The following CCDC102B variants were observed in gnomAD, a reference collection of about 807,000 sequenced individuals.
CCDC102B encodes coiled-coil domain-containing protein 102B.
A neutral mutation model predicts 57.4 loss-of-function variants in CCDC102B; 75 were observed. The observed-to-expected ratio is 1.31, with a 90% CI of 1.08 to 1.58. The LOEUF (loss-of-function observed/expected upper bound fraction) is 1.58. Ranked by LOEUF, CCDC102B falls within the 40% of genes most tolerant of loss-of-function variation. The pLI, the probability that CCDC102B is intolerant of heterozygous loss-of-function variation, is 0.00. For missense variants in CCDC102B, 636 were observed against 582.6 expected (o/e 1.09, Z -0.94); for synonymous variants, 206 against 201.9 (o/e 1.02, Z -0.17).
chr18:68,721,169 A>T (rs1277080911), intron 2 of CCDC102B: 3 of 152,266 alleles, frequency 2.0e-5, no homozygotes, highest in Non-Finnish European at 4.4e-5. Flanking sequence ...AACAATAATT[A>T]CTAGGCATCT....
chr18:68,994,625 G>A (rs1052413769), intron 6 of CCDC102B, among the ~76,000 whole-genome samples: 1 of 152,018 alleles, frequency 6.6e-6, no homozygotes, highest in African/African-American at 2.4e-5. Flanking sequence ...AAGATCTGAT[G>A]GTTTTATAAA....
Position 68,880,184 on chromosome 18 carries a change from G to A in CCDC102B, c.1053+5399G>A, listed in dbSNP as rs559675661. On this transcript the variant is annotated intron_variant, in intron 5 of 7. Coordinates refer to ENST00000360242, the MANE Select transcript of CCDC102B (RefSeq NM_024781.3). ...CCGGTGAGAAATCGAGCGCAGCGCCGGTGGGCTGGCACTGCTGGGGGACCC... is the reference window on the plus strand; with the variant it reads ...CCGGTGAGAAATCGAGCGCAGCGCCAGTGGGCTGGCACTGCTGGGGGACCC... Among the ~76,000 whole-genome samples, 424 of 152,312 alleles carry A rather than the reference G, an allele frequency of 2.8e-3. 3 individuals are homozygous for A. The highest frequency in any genetic ancestry group is 0.01 in the Middle Eastern group (3 of 294).
At chr18:68,971,177 T>G (rs2050292488) in intron 6 of CCDC102B, among the ~76,000 whole-genome samples, 1 of 152,062 alleles carries the variant, frequency 6.6e-6, no homozygotes, top group Admixed American at 6.6e-5. Context: ...TAGCTCTATT[T>G]TTTTCATATT....
intron 2 of CCDC102B, among the ~76,000 whole-genome samples, chr18:68,726,290 G>GTTAGAGTTT (rs1414334164): frequency 1.3e-5 from 2 of 151,718 alleles, no homozygotes; most frequent in Non-Finnish European, 2.9e-5. Context: ...AATGGGAACT[G>GTTAGAGTTT]TTAGAGTTAC....
intron 6 of CCDC102B, among the ~76,000 whole-genome samples, chr18:68,961,229 T>A (rs1189688289): frequency 6.6e-6 from 1 of 152,030 alleles, no homozygotes; most frequent in Non-Finnish European, 1.5e-5. Context: ...TAGAGGCAAT[T>A]TGATTCCCTA....
chr18:68,980,504 C>A (rs922487632), intron 6 of CCDC102B, among the ~76,000 whole-genome samples: 1 of 151,642 alleles, frequency 6.6e-6, no homozygotes, highest in Non-Finnish European at 1.5e-5. Context: ...TAACTGTATA[C>A]TCCCTAAGAA....
In CCDC102B at chr18:69,002,603, G is replaced by GT. The variant is rs2051233947; in HGVS notation, c.1264-8326dup. Reference sequence around the variant, plus strand: ...CACGTAACAGAAAAACATTTTCTTGGTTTTTGCTTGTTTGTCTTTTTCCTG... The same window carrying GT: ...CACGTAACAGAAAAACATTTTCTTGGTTTTTTGCTTGTTTGTCTTTTTCCTG... On this transcript the variant is annotated intron_variant, in intron 6 of 7. Coordinates refer to ENST00000360242, the MANE Select transcript of CCDC102B (RefSeq NM_024781.3). 2.0e-5 allele frequency among the ~76,000 whole-genome samples: 3 copies of GT among 152,052 alleles called. No homozygotes were observed. The East Asian group carries it at 5.8e-4, about 29-fold the overall frequency.
intron 1 of CCDC102B, among the ~76,000 whole-genome samples, chr18:68,828,386 A>G (rs1415629392): frequency 1.3e-5 from 2 of 149,282 alleles, no homozygotes; most frequent in African/African-American, 2.4e-5. Flanking sequence ...TAGGCAGAGT[A>G]TGTTCTCTTT....
chr18:68,873,194 A>T (rs2039303195), intron 4 of CCDC102B, among the ~76,000 whole-genome samples: 1 of 152,098 alleles, frequency 6.6e-6, no homozygotes, highest in African/African-American at 2.4e-5. Flanking sequence ...GGACTTGCAT[A>T]TTCAGACTTT....
chr18:69,011,361 CA>C, intron 7 of CCDC102B: 1 of 305,762 alleles, frequency 3.3e-6, no homozygotes, highest in Non-Finnish European at 5.3e-6. Context: ...TGCACGTGCG[CA>C]TGTGTGTGTG....
At chr18:68,913,610 G>C (rs1224464903) in intron 6 of CCDC102B, among the ~76,000 whole-genome samples, 1 of 150,798 alleles carries the variant, frequency 6.6e-6, no homozygotes. Flanking sequence ...AGCCGAGCTG[G>C]TGCTACTGCA....
intron 2 of CCDC102B, among the ~76,000 whole-genome samples, chr18:68,791,566 C>T (rs2035459819): frequency 6.6e-6 from 1 of 151,734 alleles, no homozygotes; most frequent in East Asian, 1.9e-4. Flanking sequence ...CTTTGATAGC[C>T]TAATGTGTAC....
intron 2 of CCDC102B, among the ~76,000 whole-genome samples, chr18:68,764,567 G>T (rs920586678): frequency 1.3e-5 from 2 of 152,088 alleles, no homozygotes; most frequent in African/African-American, 4.8e-5. Flanking sequence ...ACTACTTAGG[G>T]ATGTGAGGCA....
chr18:68,929,604 G>C (rs1172947495), intron 6 of CCDC102B, among the ~76,000 whole-genome samples: 1 of 151,822 alleles, frequency 6.6e-6, no homozygotes, highest in African/African-American at 2.4e-5. Flanking sequence ...AAAAATTCCT[G>C]GTAGTTAGTG....
At chr18:68,927,618 T>C (rs2145128700) in intron 6 of CCDC102B, among the ~76,000 whole-genome samples, 1 of 152,134 alleles carries the variant, frequency 6.6e-6, no homozygotes, top group African/African-American at 2.4e-5. Context: ...ATAATATTGA[T>C]AGTTAATAGC....
intron 1 of CCDC102B, among the ~76,000 whole-genome samples, chr18:68,807,016 T>C (rs1047067333): frequency 1.3e-5 from 2 of 152,148 alleles, no homozygotes; most frequent in Admixed American, 1.3e-4. Flanking sequence ...AGAATACATT[T>C]CAGGCATTGT....
chr18:68,719,692 G>A (rs140616516), intron 2 of CCDC102B, among the ~76,000 whole-genome samples: 281 of 152,154 alleles, frequency 1.8e-3, no homozygotes, highest in Middle Eastern at 0.017. Context: ...TCATAGACAC[G>A]CCTAGAAATA....
chr18:68,761,220 A>G (rs1270356968), intron 2 of CCDC102B, among the ~76,000 whole-genome samples: 1 of 152,112 alleles, frequency 6.6e-6, no homozygotes, highest in Admixed American at 6.6e-5. Context: ...CCCACAAGTT[A>G]CGATATGTAT....
At chr18:68,920,126 C>T (rs542045444) in intron 6 of CCDC102B, among the ~76,000 whole-genome samples, 17 of 152,190 alleles carry the variant, frequency 1.1e-4, no homozygotes, top group East Asian at 1.9e-4. Flanking sequence ...CACCCTCCAC[C>T]CTTCGACAGG....
Sources: gnomAD v4.1 joint callset for allele counts (sites outside exome capture counted in the v4.1 genomes callset) on GRCh38, gnomAD v4.1.1 for gene constraint, MANE v1.5 for transcripts, NCBI Gene and HGNC (gene_info 2026-07-23, HGNC 2026-07-21) for gene names.